The following APPBP2 variants were observed in gnomAD, a reference collection of about 807,000 sequenced individuals.
The protein encoded by APPBP2 is amyloid protein-binding protein 2.
APPBP2 carries 15 observed loss-of-function variants against 76.0 expected under a neutral mutation model. The observed-to-expected ratio is 0.20, with a 90% confidence interval of 0.13 to 0.30. The LOEUF (loss-of-function observed/expected upper bound fraction) is 0.30. Among genes scored for constraint, APPBP2 ranks in the 10% least tolerant of loss-of-function variants. The pLI, the probability that APPBP2 is intolerant of heterozygous loss-of-function variation, is 1.00. For missense variants in APPBP2, 401 were observed against 687.2 expected, an observed-to-expected ratio of 0.58 and a Z score of 4.66; for synonymous variants, 222 against 242.2, an observed-to-expected ratio of 0.92 and a Z score of 0.77.
intron 1 of APPBP2, among the ~76,000 whole-genome samples, chr17:60,515,700 C>T (rs748452703): frequency 2.6e-5 from 4 of 152,206 alleles, no homozygotes; most frequent in Non-Finnish European, 4.4e-5. Context: ...CACCAAGGTG[C>T]CCTGAGGCCC....
intron 3 of APPBP2, among the ~76,000 whole-genome samples, chr17:60,486,988 A>T (rs887184878): frequency 8.5e-5 from 13 of 152,166 alleles, no homozygotes; most frequent in Middle Eastern, 3.2e-3. Context: ...TCTGGGTTGA[A>T]AATTCTTTTC....
chr17:60,525,983 A>G lies in APPBP2; in HGVS notation c.-52T>C, dbSNP rs62639305. The G allele has an allele frequency of 0.019, 28,849 of 1,510,404 alleles. 4,441 individuals are homozygous for G. The African/African-American group carries it at 0.34, about 18-fold the overall frequency. 93.6% of individuals were successfully genotyped at this position (1,510,404 alleles called of 1,614,324 possible). A position where few individuals can be genotyped will look rare whatever the true frequency, so the allele number is the denominator to read the frequency against. The stretch of plus-strand genomic sequence containing the variant: ...CCGCCTCCTCCTCCCGAAGGCCCCC[A>G]CCTCCCTCCGTAGCGAACCCCTCTG... On this transcript the variant is annotated 5_prime_UTR_variant, in exon 1 of 13. Coordinates refer to ENST00000083182, the MANE Select transcript of APPBP2 (RefSeq NM_006380.5).
At chr17:60,449,612 C>T (rs967315164) in intron 12 of APPBP2, among the ~76,000 whole-genome samples, 5 of 150,346 alleles carry the variant, frequency 3.3e-5, no homozygotes, top group Non-Finnish European at 5.9e-5. Flanking sequence ...AAAACAAAAC[C>T]AAAAAAAAGT....
At chr17:60,447,904 T>G in intron 12 of APPBP2, 70 bp from the exon 13 acceptor site, 1 of 1,392,890 alleles carries the variant, frequency 7.2e-7, no homozygotes, top group East Asian at 2.3e-5. Flanking sequence ...TTCTATAACA[T>G]GAACACAAGT....
chr17:60,483,700 G>A (rs1293095167), intron 3 of APPBP2, among the ~76,000 whole-genome samples: 1 of 152,166 alleles, frequency 6.6e-6, no homozygotes, highest in Non-Finnish European at 1.5e-5. Flanking sequence ...GCCGATGGTA[G>A]TTTCTTTTGC....
At chr17:60,468,031 C>T (rs947098174) in intron 4 of APPBP2, among the ~76,000 whole-genome samples, 7 of 152,166 alleles carry the variant, frequency 4.6e-5, no homozygotes, top group Admixed American at 1.3e-4. Flanking sequence ...GACTTATGCA[C>T]TATCTAATAT....
intron 3 of APPBP2, among the ~76,000 whole-genome samples, chr17:60,481,949 C>G (rs1226785182): frequency 6.6e-6 from 1 of 152,208 alleles, no homozygotes; most frequent in East Asian, 1.9e-4. Flanking sequence ...ATAGCGTGAT[C>G]TCGGCTCACC....
intron 12 of APPBP2, among the ~76,000 whole-genome samples, chr17:60,450,373 G>A (rs1048488711): frequency 4.1e-4 from 62 of 151,556 alleles, no homozygotes; most frequent in African/African-American, 1.5e-3. Flanking sequence ...GGGAGTCGGA[G>A]GTTGCAGTAA....
intron 9 of APPBP2, among the ~76,000 whole-genome samples, chr17:60,458,203 G>C (rs984006438): frequency 3.3e-5 from 5 of 152,138 alleles, no homozygotes; most frequent in African/African-American, 7.2e-5. Context: ...GGAGGCCAAG[G>C]GGGGCAGATC....
intron 1 of APPBP2, among the ~76,000 whole-genome samples, chr17:60,512,016 A>C (rs1219915380): frequency 1.3e-5 from 2 of 152,132 alleles, no homozygotes; most frequent in Non-Finnish European, 2.9e-5. Context: ...CTTCCAATCT[A>C]GGAACAAAAT....
chr17:60,508,295 G>C (rs1021289311), intron 1 of APPBP2, among the ~76,000 whole-genome samples: 2 of 152,060 alleles, frequency 1.3e-5, no homozygotes, highest in African/African-American at 4.8e-5. Context: ...AGATGCAGAG[G>C]AATTGCTAGT....
chr17:60,521,841 T>A (rs1435460177), intron 1 of APPBP2, among the ~76,000 whole-genome samples: 1 of 152,228 alleles, frequency 6.6e-6, no homozygotes, highest in East Asian at 1.9e-4. Context: ...CAAGACAATT[T>A]ATCTTCTTCC....
At chr17:60,474,388 G>C (rs1245584445) in intron 4 of APPBP2, among the ~76,000 whole-genome samples, 1 of 151,874 alleles carries the variant, frequency 6.6e-6, no homozygotes, top group Non-Finnish European at 1.5e-5. Flanking sequence ...TGGCCAGGCT[G>C]GTCTTGAACT....
intron 4 of APPBP2, among the ~76,000 whole-genome samples, chr17:60,475,648 TACACACACACACACACAC>T (rs72415327): frequency 7.7e-6 from 1 of 129,192 alleles, no homozygotes; most frequent in Non-Finnish European, 1.6e-5. Context: ...CAACTCTTTA[TACACACACACACACACAC>T]ACACACACAC....
intron 4 of APPBP2, among the ~76,000 whole-genome samples, chr17:60,477,261 T>C (rs2090597413): frequency 6.6e-6 from 1 of 152,164 alleles, no homozygotes; most frequent in Non-Finnish European, 1.5e-5. Flanking sequence ...GCCAAATTTA[T>C]ACAGGAACCT....
At chr17:60,453,599 G>A (rs1054169011) in intron 11 of APPBP2, among the ~76,000 whole-genome samples, 2 of 147,964 alleles carry the variant, frequency 1.4e-5, no homozygotes, top group Admixed American at 6.7e-5. Flanking sequence ...GAGTGCAGTG[G>A]TGTGATCAGA....
intron 3 of APPBP2, among the ~76,000 whole-genome samples, chr17:60,490,215 G>C (rs1308596704): frequency 6.6e-6 from 1 of 152,072 alleles, no homozygotes; most frequent in African/African-American, 2.4e-5. Context: ...AACTAAGTAA[G>C]GCCAGTAGTC....
chr17:60,509,447 G>C (rs1231377322), intron 1 of APPBP2, among the ~76,000 whole-genome samples: 2 of 151,844 alleles, frequency 1.3e-5, no homozygotes, highest in African/African-American at 4.8e-5. Flanking sequence ...AGAACATTAA[G>C]GAATTACTGT....
chr17:60,504,117 CTCATA>C (rs1288059307), intron 1 of APPBP2, among the ~76,000 whole-genome samples: 9 of 152,040 alleles, frequency 5.9e-5, no homozygotes, highest in Non-Finnish European at 1.2e-4. Flanking sequence ...AGTAATGATT[CTCATA>C]TAAGATTTTT....
Sources: gnomAD v4.1 joint callset for allele counts (sites outside exome capture counted in the v4.1 genomes callset) on GRCh38, gnomAD v4.1.1 for gene constraint, MANE v1.5 for transcripts, NCBI Gene and HGNC (gene_info 2026-07-23, HGNC 2026-07-21) for gene names.